DCLK1: variants seen among roughly 807,000 people sequenced by gnomAD.
DCLK1 encodes the protein doublecortin like kinase 1, also known as serine/threonine-protein kinase DCLK1.
Under a neutral mutation model 86.2 loss-of-function variants are expected in DCLK1, and 16 were observed. The observed-to-expected ratio is 0.19, with a 90% confidence interval of 0.13 to 0.28. The LOEUF (loss-of-function observed/expected upper bound fraction) is 0.28. DCLK1 is among the 10% of genes least tolerant of loss of function. DCLK1 has a pLI of 1.00. For synonymous variants in DCLK1, 369 were observed against 370.5 expected, an observed-to-expected ratio of 1.00 and a Z score of 0.05; for missense variants, 590 against 940.2, an observed-to-expected ratio of 0.63 and a Z score of 4.87.
chr13:35,864,205 T>TCA (rs1954997637), intron 5 of DCLK1, among the ~76,000 whole-genome samples: 1 of 152,206 alleles, frequency 6.6e-6, no homozygotes, highest in East Asian at 1.9e-4. Context: ...TCATTGGGCC[T>TCA]CAGTTATGTC....
intron 3 of DCLK1, among the ~76,000 whole-genome samples, chr13:35,948,717 A>T (rs1183641489): frequency 6.6e-6 from 1 of 152,194 alleles, no homozygotes; most frequent in Non-Finnish European, 1.5e-5. Flanking sequence ...TAAGAGTTTG[A>T]TAATCAACAT....
chr13:36,056,546 G>A (rs1267500438), intron 3 of DCLK1, among the ~76,000 whole-genome samples: 4 of 135,862 alleles, frequency 2.9e-5, no homozygotes, highest in Admixed American at 7.6e-5. Flanking sequence ...CAGCGCACCA[G>A]CATGGCACAT....
intron 3 of DCLK1, among the ~76,000 whole-genome samples, chr13:36,104,943 A>C (rs1255047501): frequency 6.6e-6 from 1 of 152,196 alleles, no homozygotes; most frequent in African/African-American, 2.4e-5. Context: ...CTGGAATATG[A>C]GAACAGAAGG....
At chr13:35,838,349 G>A (rs1004906073) in intron 7 of DCLK1, among the ~76,000 whole-genome samples, 3 of 152,154 alleles carry the variant, frequency 2.0e-5, no homozygotes, top group Non-Finnish European at 4.4e-5. Flanking sequence ...AAACAAGTAA[G>A]AGAAGCAGAT....
intron 3 of DCLK1, among the ~76,000 whole-genome samples, chr13:35,993,064 G>A (rs1057445414): frequency 6.6e-6 from 1 of 152,150 alleles, no homozygotes; most frequent in Non-Finnish European, 1.5e-5. Flanking sequence ...TGCCTGCAAT[G>A]TCTCCCTGAT....
In DCLK1 at chr13:36,029,227, C is replaced by T. The variant is rs977148935; in HGVS notation, c.724-81770G>A. Among the ~76,000 whole-genome samples, 42 of 152,226 alleles carry T rather than the reference C, an allele frequency of 2.8e-4. 1 individual carries two copies. The highest frequency in any genetic ancestry group is 2.7e-3 in the Admixed American group (41 of 15,288). ...TCTTCAGTCCTCAGCTCAGGAATCA[C>T]TTCCCTGACCTCCCTGGTCAGATTC... is the stretch of plus-strand genomic sequence containing the variant. On this transcript the variant is annotated intron_variant, in intron 3 of 16. Coordinates refer to ENST00000360631, the MANE Select transcript of DCLK1 (RefSeq NM_001330071.2).
At chr13:35,941,035 T>A (rs1390367691) in intron 4 of DCLK1, among the ~76,000 whole-genome samples, 1 of 152,016 alleles carries the variant, frequency 6.6e-6, no homozygotes, top group Non-Finnish European at 1.5e-5. Flanking sequence ...AGGAAAAAAA[T>A]GTGTTTCAGG....
chr13:36,014,482 C>T (rs572799041), intron 3 of DCLK1, among the ~76,000 whole-genome samples: 3 of 152,254 alleles, frequency 2.0e-5, no homozygotes, highest in South Asian at 4.1e-4. Context: ...AAAATGCTTA[C>T]AACCTATGAC....
chr13:36,081,791 A>G (rs1884430082), intron 3 of DCLK1, among the ~76,000 whole-genome samples: 2 of 152,202 alleles, frequency 1.3e-5, no homozygotes, highest in Non-Finnish European at 2.9e-5. Context: ...AAGTAGAAAA[A>G]TTGTGGAGAT....
chr13:35,909,660 G>GA (rs1188240605), intron 4 of DCLK1, among the ~76,000 whole-genome samples: 1 of 149,428 alleles, frequency 6.7e-6, no homozygotes, highest in Non-Finnish European at 1.5e-5. Flanking sequence ...TTCTACAAAG[G>GA]AAAAAAAGTG....
At chr13:36,080,222 T>C (rs1225981078) in intron 3 of DCLK1, among the ~76,000 whole-genome samples, 2 of 152,152 alleles carry the variant, frequency 1.3e-5, no homozygotes, top group Non-Finnish European at 2.9e-5. Flanking sequence ...GAGCAAGGCC[T>C]AGCTTGTGCG....
rs186000418 is a variant in DCLK1 at position 35,803,572 on chromosome 13, C to T, written c.1944+2127G>A. 4.5e-3 allele frequency among the ~76,000 whole-genome samples: 682 copies of T among 152,256 alleles called. 6 individuals carry two copies. The highest frequency in any genetic ancestry group is 0.016 in the African/African-American group (650 of 41,550). On this transcript the variant is annotated intron_variant, in intron 15 of 16. Transcript: ENST00000360631. ...TGGAGTGTGAAGAATCACATTCAGACATGTAGAATGCTGGAATCTAGACCT... is the reference window on the plus strand; with the variant it reads ...TGGAGTGTGAAGAATCACATTCAGATATGTAGAATGCTGGAATCTAGACCT...
At chr13:36,073,102 A>T (rs1200881974) in intron 3 of DCLK1, among the ~76,000 whole-genome samples, 1 of 152,226 alleles carries the variant, frequency 6.6e-6, no homozygotes, top group Non-Finnish European at 1.5e-5. Context: ...TATAACTTAC[A>T]TGCCATAAAA....
At chr13:35,847,602 C>T (rs1418370694) in intron 6 of DCLK1, 1 of 810,192 alleles carries the variant, frequency 1.2e-6, no homozygotes, top group African/African-American at 2.4e-5. Context: ...GACTTGCACA[C>T]TTCATTGTTT....
At chr13:35,807,326 C>T (rs879355551) in intron 14 of DCLK1, among the ~76,000 whole-genome samples, 1 of 152,196 alleles carries the variant, frequency 6.6e-6, no homozygotes, top group Non-Finnish European at 1.5e-5. Flanking sequence ...CACCTTCATC[C>T]ATGTTAAGGA....
chr13:35,781,485 A>G (rs182437377), intron 16 of DCLK1, among the ~76,000 whole-genome samples: 1 of 152,322 alleles, frequency 6.6e-6, no homozygotes. Flanking sequence ...CTTACAGTCT[A>G]TGGACCAAAC....
At chr13:35,886,421 T>G (rs1251062945) in intron 4 of DCLK1, among the ~76,000 whole-genome samples, 1 of 152,196 alleles carries the variant, frequency 6.6e-6, no homozygotes. Context: ...ATTGGCAGGC[T>G]TTAGAATTAA....
At chr13:35,923,592 C>T (rs943659814) in intron 4 of DCLK1, among the ~76,000 whole-genome samples, 4 of 152,112 alleles carry the variant, frequency 2.6e-5, no homozygotes, top group East Asian at 1.9e-4. Context: ...AAAGGACACA[C>T]GCTGGCTCAG....
At position 36,042,750 on chromosome 13, in the gene DCLK1, C is replaced by T. The variant is rs555226332; in HGVS notation, c.723+69119G>A. On this transcript the variant is annotated intron_variant, in intron 3 of 16. Transcript: ENST00000360631. ...GGTTCTGACTCACACACTCTGCATC[C>T]CTGAAGAAAGGGATCATAACAGAAA... Among the ~76,000 whole-genome samples, 4 of 152,196 alleles carry T rather than the reference C, an allele frequency of 2.6e-5. No individual in the cohort carries two copies. The South Asian group carries it at 6.2e-4, about 24-fold the overall frequency.
Sources: gnomAD v4.1 joint callset for allele counts (sites outside exome capture counted in the v4.1 genomes callset) on GRCh38, gnomAD v4.1.1 for gene constraint, MANE v1.5 for transcripts, NCBI Gene and HGNC (gene_info 2026-07-23, HGNC 2026-07-21) for gene names.